Variants in RBFOX2 observed in about 807,000 individuals in gnomAD.
RBFOX2 encodes the protein RNA binding protein fox-1 homolog 2.
RBFOX2 carries 10 observed loss-of-function variants against 49.1 expected under a neutral mutation model. That is an observed-to-expected ratio of 0.20 (90% CI 0.13 to 0.35). The LOEUF (loss-of-function observed/expected upper bound fraction) is 0.35. RBFOX2 is among the 10% of genes least tolerant of loss of function. The probability of loss-of-function intolerance (pLI) is 1.00; values close to 1 mark genes in which losing one functional copy is unlikely to be tolerated. For missense variants in RBFOX2, 323 were observed against 486.9 expected (o/e 0.66, Z 3.17); for synonymous variants, 183 against 187.4 (o/e 0.98, Z 0.19).
chr22:35,873,480 GC>G (rs548404927), intron 1 of RBFOX2, among the ~76,000 whole-genome samples: 260 of 152,208 alleles, frequency 1.7e-3, no homozygotes, highest in African/African-American at 6.1e-3. Flanking sequence ...TAATGCTAGG[GC>G]AAGACTTCAC....
At chr22:36,025,627 C>T (rs1333678680) in intron 1 of RBFOX2, among the ~76,000 whole-genome samples, 1 of 152,176 alleles carries the variant, frequency 6.6e-6, no homozygotes, top group African/African-American at 2.4e-5. Flanking sequence ...TCTCACACTT[C>T]TTTAAAAATG....
At chr22:35,990,846 G>A (rs568884944) in intron 1 of RBFOX2, among the ~76,000 whole-genome samples, 48 of 152,286 alleles carry the variant, frequency 3.2e-4, no homozygotes, top group South Asian at 1.7e-3. Flanking sequence ...CAGATTACAC[G>A]AGCTTTTAAG....
At chr22:35,900,010 C>T (rs984809542) in intron 1 of RBFOX2, among the ~76,000 whole-genome samples, 1 of 152,182 alleles carries the variant, frequency 6.6e-6, no homozygotes, top group Non-Finnish European at 1.5e-5. Context: ...TGAATTCCTA[C>T]ATCTCAAAAA....
At chr22:35,836,116 G>A (rs1326980290) in intron 1 of RBFOX2, among the ~76,000 whole-genome samples, 1 of 152,118 alleles carries the variant, frequency 6.6e-6, no homozygotes, top group Non-Finnish European at 1.5e-5. Context: ...CGAGTGGCAA[G>A]GGAGCATGAC....
At chr22:35,985,050 A>G (rs2057641073) in intron 1 of RBFOX2, among the ~76,000 whole-genome samples, 1 of 152,162 alleles carries the variant, frequency 6.6e-6, no homozygotes, top group African/African-American at 2.4e-5. Flanking sequence ...AAAGATGACA[A>G]CATAATGTGA....
Position 35,975,936 on chromosome 22 carries a change from T to C in RBFOX2, c.187-37039A>G, listed in dbSNP as rs185772902. On this transcript the variant is annotated intron_variant, in intron 1 of 13. Transcript: ENST00000438146. ...TAAATTATGTGAAGGATATAAAGAA[T>C]AACAAAAACATATGCCATTAGAATT... Among the ~76,000 whole-genome samples, 224 of 152,292 alleles carry C rather than the reference T, an allele frequency of 1.5e-3. 2 individuals are homozygous for C. Among genetic ancestry groups the C allele is most frequent in the African/African-American group, 4.9e-3 (202 of 41,560 alleles).
chr22:35,893,810 G>A (rs1231985137), intron 1 of RBFOX2, among the ~76,000 whole-genome samples: 2 of 152,062 alleles, frequency 1.3e-5, no homozygotes, highest in Non-Finnish European at 2.9e-5. Context: ...TTTAGCCTGT[G>A]TTAGCCAAGT....
intron 1 of RBFOX2, among the ~76,000 whole-genome samples, chr22:35,927,577 C>T (rs910795000): frequency 9.8e-5 from 12 of 122,314 alleles, no homozygotes; most frequent in African/African-American, 2.0e-4. Flanking sequence ...GCACTCCAGC[C>T]GGGGCAACAA....
chr22:36,013,729 G>C (rs113648757), intron 1 of RBFOX2, among the ~76,000 whole-genome samples: 55 of 151,880 alleles, frequency 3.6e-4, no homozygotes, highest in African/African-American at 1.3e-3. Flanking sequence ...CTCTGATATA[G>C]GAAATGGAGA....
At chr22:35,873,856 T>C (rs937143178) in intron 1 of RBFOX2, among the ~76,000 whole-genome samples, 1 of 152,132 alleles carries the variant, frequency 6.6e-6, no homozygotes, top group African/African-American at 2.4e-5. Context: ...TTTTTTGTTA[T>C]TTTTAGTAGA....
intron 1 of RBFOX2, among the ~76,000 whole-genome samples, chr22:35,960,923 A>C (rs2056130163): frequency 6.6e-6 from 1 of 152,150 alleles, no homozygotes; most frequent in Non-Finnish European, 1.5e-5. Flanking sequence ...TTTGAAGGGC[A>C]ATATTCATTT....
intron 2 of RBFOX2, among the ~76,000 whole-genome samples, chr22:35,805,002 CAA>C (rs568995035): frequency 3.3e-4 from 50 of 151,980 alleles, no homozygotes; most frequent in African/African-American, 1.2e-3. Flanking sequence ...AAAAGTAAGA[CAA>C]AGGCTGGGCG....
chr22:36,023,045 T>C (rs904848636), intron 1 of RBFOX2, among the ~76,000 whole-genome samples: 3 of 152,154 alleles, frequency 2.0e-5, no homozygotes, highest in Admixed American at 6.5e-5. Flanking sequence ...CAGTGAAATA[T>C]TGTTCATGAA....
At chr22:35,834,987 G>A (rs1434410505) in intron 1 of RBFOX2, among the ~76,000 whole-genome samples, 2 of 152,126 alleles carry the variant, frequency 1.3e-5, no homozygotes, top group East Asian at 1.9e-4. Context: ...TAAGAGTCTG[G>A]GGAATAGACA....
At chr22:35,854,801 T>A (rs964250748) in intron 1 of RBFOX2, among the ~76,000 whole-genome samples, 12 of 152,160 alleles carry the variant, frequency 7.9e-5, no homozygotes, top group Non-Finnish European at 1.2e-4. Flanking sequence ...TTCTGTAAAA[T>A]TTTTTTAATT....
At chr22:35,973,619 T>C (rs532878868) in intron 1 of RBFOX2, among the ~76,000 whole-genome samples, 1 of 152,376 alleles carries the variant, frequency 6.6e-6, no homozygotes, top group East Asian at 1.9e-4. Context: ...GGAATTGCTG[T>C]GAACCACATA....
chr22:35,902,370 A>C (rs2048692986), intron 1 of RBFOX2, among the ~76,000 whole-genome samples: 1 of 152,152 alleles, frequency 6.6e-6, no homozygotes, highest in African/African-American at 2.4e-5. Flanking sequence ...CACCTGACAC[A>C]ACTCCAATCC....
At chr22:35,877,379 G>A (rs1420586182) in intron 1 of RBFOX2, among the ~76,000 whole-genome samples, 1 of 152,146 alleles carries the variant, frequency 6.6e-6, no homozygotes, top group Admixed American at 6.5e-5. Context: ...AGAACTGGAG[G>A]TGAAGGGTAG....
At chr22:35,795,329 C>A (rs942064480) in intron 2 of RBFOX2, among the ~76,000 whole-genome samples, 1 of 151,990 alleles carries the variant, frequency 6.6e-6, no homozygotes, top group Non-Finnish European at 1.5e-5. Flanking sequence ...CTACATCTAG[C>A]CTGGAAACAG....
Sources: allele counts gnomAD v4.1 joint callset (sites outside exome capture counted in the v4.1 genomes callset), GRCh38; gene constraint gnomAD v4.1.1; transcripts MANE v1.5; gene names NCBI Gene and HGNC (gene_info 2026-07-23, HGNC 2026-07-21).